Variants in GAS7 observed in about 807,000 individuals in gnomAD.
GAS7 encodes growth arrest specific 7, also known as growth arrest-specific protein 7.
A neutral mutation model predicts 71.1 loss-of-function variants in GAS7; 28 were observed. The ratio of observed to expected loss-of-function variants is 0.39; its 90% confidence interval spans 0.29 to 0.54. GAS7 has a LOEUF of 0.54. Among genes scored for constraint, GAS7 ranks in the 20% least tolerant of loss-of-function variants. The pLI is 0.62. For synonymous variants in GAS7, 258 were observed against 245.8 expected, an observed-to-expected ratio of 1.05 and a Z score of -0.46; for missense variants, 436 against 627.8, an observed-to-expected ratio of 0.69 and a Z score of 3.27.
At chr17:9,957,581 C>G (rs766240566) in intron 5 of GAS7, among the ~76,000 whole-genome samples, 5 of 149,532 alleles carry the variant, frequency 3.3e-5, no homozygotes, top group South Asian at 4.4e-4. Flanking sequence ...CGACCTCCCC[C>G]CCTTTCTCCT....
At chr17:10,098,195 T>C (rs180757059) in intron 1 of GAS7, among the ~76,000 whole-genome samples, 21 of 152,210 alleles carry the variant, frequency 1.4e-4, no homozygotes, top group African/African-American at 4.8e-4. Context: ...CCAGAGCACA[T>C]GGAATAAAGA....
rs936985251 is a variant in GAS7 at position 9,926,746 on chromosome 17, G to T, written c.909C>A (p.Pro303=). 1 of 1,613,866 alleles carries T rather than the reference G, an allele frequency of 6.2e-7. No individual in the cohort carries two copies. Among genetic ancestry groups the T allele is most frequent in the Non-Finnish European group, 8.5e-7 (1 of 1,179,936 alleles). ...SAKLHSEVEK[P]LMNFRENFKK... is the part of the protein sequence containing the mutation. ...TGAAGTTCTCACGGAAGTTCATCAG[G>T]GGCTTCTCCACCTCGCTGTGAAGCT... The change falls in exon 10 of 14, where the codon CCC becomes CCA. Residue 303 remains proline, a synonymous_variant. Coordinates refer to ENST00000432992, the MANE Select transcript of GAS7 (RefSeq NM_201433.2). The surrounding 1 kb of genome is among the most constrained non-coding windows in gnomAD (Gnocchi z 5.0).
intron 9 of GAS7, among the ~76,000 whole-genome samples, chr17:9,927,816 G>T (rs1253976095): frequency 6.6e-6 from 1 of 152,196 alleles, no homozygotes; most frequent in Non-Finnish European, 1.5e-5. Context: ...AGGAACTGAT[G>T]GTGGGAACTG....
At chr17:9,958,784 G>C (rs1399935876) in intron 5 of GAS7, 1 of 180,432 alleles carries the variant, frequency 5.5e-6, no homozygotes, top group Non-Finnish European at 1.2e-5. Context: ...CTATTCTTAG[G>C]ACGCTTTCTC....
intron 1 of GAS7, among the ~76,000 whole-genome samples, chr17:10,088,945 G>C (rs974647040): frequency 6.6e-6 from 1 of 151,988 alleles, no homozygotes; most frequent in African/African-American, 2.4e-5. Context: ...ATCACCTGAG[G>C]TCAGGAGTTC....
At chr17:9,953,582 T>C (rs1299475009) in intron 5 of GAS7, among the ~76,000 whole-genome samples, 2 of 152,084 alleles carry the variant, frequency 1.3e-5, no homozygotes, top group Non-Finnish European at 2.9e-5. Flanking sequence ...AGAAGCGAGG[T>C]ATCCGAATCC....
At chr17:9,987,977 C>T (rs2070704742) in intron 2 of GAS7, among the ~76,000 whole-genome samples, 1 of 152,228 alleles carries the variant, frequency 6.6e-6, no homozygotes, top group African/African-American at 2.4e-5. Context: ...CTTTTCTTGG[C>T]TTGTGCCGGC....
intron 1 of GAS7, among the ~76,000 whole-genome samples, chr17:10,138,584 G>A (rs1259674742): frequency 2.6e-5 from 4 of 151,912 alleles, no homozygotes; most frequent in South Asian, 4.2e-4. Flanking sequence ...CCAACATGGT[G>A]AAACCCCGTC....
At chr17:10,137,324 T>C (rs1333982974) in intron 1 of GAS7, among the ~76,000 whole-genome samples, 1 of 152,118 alleles carries the variant, frequency 6.6e-6, no homozygotes. Flanking sequence ...AGGTCTTTTC[T>C]GACTACCCCA....
intron 1 of GAS7, among the ~76,000 whole-genome samples, chr17:10,142,713 T>C (rs1846905100): frequency 6.6e-6 from 1 of 152,134 alleles, no homozygotes; most frequent in African/African-American, 2.4e-5. Context: ...CAATCATAAC[T>C]CTTACAGAAA....
intron 5 of GAS7, 70 bp from the exon 6 acceptor site, chr17:9,947,053 G>GCCGTGTCCCCCA: frequency 2.0e-6 from 2 of 1,020,116 alleles, no homozygotes; most frequent in Non-Finnish European, 1.5e-6. Context: ...TTCGGCTCCT[G>GCCGTGTCCCCCA]GGGGACACGG....
intron 11 of GAS7, chr17:9,924,666 C>A (rs1341155035): frequency 6.6e-6 from 1 of 152,010 alleles, no homozygotes; most frequent in Admixed American, 6.6e-5. Context: ...TTCTATCTTA[C>A]CTTATTTTGA....
intron 1 of GAS7, among the ~76,000 whole-genome samples, chr17:10,177,108 T>C (rs2074378839): frequency 6.6e-6 from 1 of 152,078 alleles, no homozygotes; most frequent in Non-Finnish European, 1.5e-5. Flanking sequence ...TCCCATGTGG[T>C]TGGTGCCATC....
chr17:9,954,733 T>C (rs1422693765), intron 5 of GAS7, among the ~76,000 whole-genome samples: 1 of 151,988 alleles, frequency 6.6e-6, no homozygotes, highest in African/African-American at 2.4e-5. Flanking sequence ...GTGATACATA[T>C]CTACAATGCA....
Position 9,969,190 on chromosome 17 carries a change from A to C in GAS7, c.471+487T>G, listed in dbSNP as rs2069850461. Among the ~76,000 whole-genome samples, 1 of 152,166 alleles carries C rather than the reference A, an allele frequency of 6.6e-6. No homozygotes were observed. The highest frequency in any genetic ancestry group is 2.1e-4 in the South Asian group (1 of 4,830). Reference sequence around the variant, plus strand: ...ATCAAGTAGGATGGAGACTGAGAAAACAGTTTGGAAATCGTACAACATACT... The same window carrying C: ...ATCAAGTAGGATGGAGACTGAGAAACCAGTTTGGAAATCGTACAACATACT... On this transcript the variant is annotated intron_variant, in intron 4 of 13. Coordinates refer to ENST00000432992, the MANE Select transcript of GAS7 (RefSeq NM_201433.2). The surrounding 1 kb of genome is among the most constrained non-coding windows in gnomAD (Gnocchi z 5.5).
intron 1 of GAS7, among the ~76,000 whole-genome samples, chr17:10,021,859 C>T (rs1281347865): frequency 6.6e-6 from 1 of 152,106 alleles, no homozygotes; most frequent in Non-Finnish European, 1.5e-5. Context: ...TGCATGCGCG[C>T]GTGCATGTTG....
At chr17:10,001,023 A>ACAAG (rs2071250226) in intron 2 of GAS7, among the ~76,000 whole-genome samples, 1 of 151,702 alleles carries the variant, frequency 6.6e-6, no homozygotes, top group African/African-American at 2.4e-5. Context: ...AAACAAACAA[A>ACAAG]CAAACAAAGC....
intron 1 of GAS7, 74 bp downstream of exon 1, chr17:10,198,134 G>A: frequency 2.1e-6 from 3 of 1,447,220 alleles, no homozygotes; most frequent in Non-Finnish European, 2.9e-6. Context: ...GGCATCCCCG[G>A]AACGGGCAAC....
intron 2 of GAS7, among the ~76,000 whole-genome samples, chr17:9,996,128 C>T (rs13339674): frequency 0.42 from 63,823 of 151,970 alleles, 15,061 homozygotes; most frequent in African/African-American, 0.65. Context: ...TGCACACGTA[C>T]GTTTATTGTG....
Sources: gnomAD v4.1 joint callset for allele counts (sites outside exome capture counted in the v4.1 genomes callset) on GRCh38, gnomAD v4.1.1 for gene constraint, Gnocchi (gnomAD v3.1) non-coding constraint, MANE v1.5 for transcripts, NCBI Gene and HGNC (gene_info 2026-07-23, HGNC 2026-07-21) for gene names.